GAREM2: variants seen among roughly 807,000 people sequenced by gnomAD.
GAREM2 encodes the protein GRB2-associated and regulator of MAPK protein 2.
Under a neutral mutation model 55.6 loss-of-function variants are expected in GAREM2, and 30 were observed. The observed-to-expected ratio is 0.54, with a 90% CI of 0.40 to 0.73. The LOEUF (loss-of-function observed/expected upper bound fraction) is 0.73, where lower values mean the gene tolerates loss of function less well. GAREM2 is among the 30% of genes least tolerant of loss of function. GAREM2 has a pLI of 0.00. For synonymous variants in GAREM2, 550 were observed against 569.1 expected (o/e 0.97, Z 0.48); for missense variants, 1,075 against 1,257.7 (o/e 0.85, Z 2.20).
the GAREM2 span, among the ~76,000 whole-genome samples, chr2:26,199,683 C>T: frequency 9.2e-5 from 14 of 152,182 alleles, no homozygotes; most frequent in African/African-American, 2.9e-4. Flanking sequence ...CTACCTAGAC[C>T]TGTGGGGCCC....
At chr2:26,178,410 A>AC (rs5830003) in intron 2 of GAREM2, among the ~76,000 whole-genome samples, 4,055 of 145,160 alleles carry the variant, frequency 0.028, 54 homozygotes, top group African/African-American at 0.03. Context: ...AAAACAAACA[A>AC]CCCCCCCCCC....
Position 26,187,977 on chromosome 2 carries a change from C to T in GAREM2, c.2345C>T (p.Pro782Leu), listed in dbSNP as rs999300618. 2.1e-5 allele frequency: 30 copies of T among 1,461,776 alleles called. No individual in the cohort carries two copies. Among genetic ancestry groups the T allele is most frequent in the Non-Finnish European group, 2.4e-5 (26 of 1,101,798 alleles). 90.6% of individuals were successfully genotyped at this position (1,461,776 alleles called of 1,614,324 possible). ...ACCCAAGGGCGCCTGGAAGGGCCTC[C>T]TGCCAGTCCCCGGGATGGAGCCACA... is the stretch of plus-strand genomic sequence containing the variant. ...FLTQGRLEGP[P>L]ASPRDGATGF... The change falls in exon 6 of 6, where the codon CCT becomes CTT. Residue 782 changes from proline (P) to leucine (L), a missense_variant. By Grantham distance (98) the Pro-to-Leu change is moderately conservative. Around this residue, in one of 6 missense-constraint regions of GAREM2, gnomAD observed 142 missense variants for 172.3 expected, o/e 0.82. Transcript: ENST00000401533.
At chr2:26,203,428 T>TGTGATG in the GAREM2 span, among the ~76,000 whole-genome samples, 1 of 152,080 alleles carries the variant, frequency 6.6e-6, no homozygotes, top group Non-Finnish European at 1.5e-5. Context: ...GCAGCATGTG[T>TGTGATG]GTGATGGTGA....
chr2:26,179,263 T>C lies in GAREM2; in HGVS notation c.253+2779T>C, dbSNP rs954939387. Among the ~76,000 whole-genome samples the C allele has an allele frequency of 4.6e-5, 7 of 152,116 alleles. No homozygotes were observed. The highest frequency in any genetic ancestry group is 5.9e-5 in the Non-Finnish European group (4 of 68,030). On this transcript the variant is annotated intron_variant, in intron 2 of 5. Coordinates refer to ENST00000401533, the MANE Select transcript of GAREM2 (RefSeq NM_001168241.2). The surrounding 1 kb of genome is among the most constrained non-coding windows in gnomAD (Gnocchi z 4.7). Reference sequence around the variant, plus strand: ...TGAGCATGGTGCCACTTCCCCAGTGTTGGCCTTGTTTCCTGCTCAGCATTT... The same window carrying C: ...TGAGCATGGTGCCACTTCCCCAGTGCTGGCCTTGTTTCCTGCTCAGCATTT...
chr2:26,177,869 C>T (rs1293771049), intron 2 of GAREM2, among the ~76,000 whole-genome samples: 5 of 152,186 alleles, frequency 3.3e-5, no homozygotes, highest in East Asian at 3.9e-4. Context: ...TCAAGTGATC[C>T]GGCCGCCTTG....
At chr2:26,180,066 C>T (rs1050477805) in intron 2 of GAREM2, among the ~76,000 whole-genome samples, 1 of 152,154 alleles carries the variant, frequency 6.6e-6, no homozygotes, top group Non-Finnish European at 1.5e-5. Context: ...CTGTTGCCCT[C>T]TAGGGCTGTG....
chr2:26,191,256 G>A (rs2147748660), downstream of GAREM2: 2 of 1,612,484 alleles, frequency 1.2e-6, no homozygotes, highest in Non-Finnish European at 1.7e-6. Flanking sequence ...CTGCTCACTG[G>A]TAGAACTTCT....
the GAREM2 span, among the ~76,000 whole-genome samples, chr2:26,201,751 G>A: frequency 4.6e-5 from 7 of 152,054 alleles, no homozygotes; most frequent in Admixed American, 1.3e-4. Context: ...TTTGCTTATC[G>A]CAAATATATA....
chr2:26,193,099 A>G (rs148557534), downstream of GAREM2, among the ~76,000 whole-genome samples: 325 of 152,140 alleles, frequency 2.1e-3, 3 homozygotes, highest in African/African-American at 7.6e-3. Context: ...TTCTCCTCAC[A>G]GGTGGCCAGA....
Position 26,184,350 on chromosome 2 carries a change from C to G in GAREM2, c.502C>G (p.Arg168Gly). The G allele has an allele frequency of 1.3e-6, 2 of 1,548,990 alleles. No individual in the cohort carries two copies. Among genetic ancestry groups the G allele is most frequent in the Non-Finnish European group, 1.7e-6 (2 of 1,145,846 alleles). Residue 168 changes from arginine to glycine, a missense_variant, in exon 4 of 6, where the codon CGC becomes GGC. Arg to Gly is a moderately radical substitution (Grantham distance 125). Around this residue, in one of 6 missense-constraint regions of GAREM2, gnomAD observed 230 missense variants for 310.6 expected, o/e 0.74. Transcript: ENST00000401533. Reference protein sequence around the residue: ...EILCAKTTKERSRFTTLLRKL... With the variant: ...EILCAKTTKEGSRFTTLLRKL... ...CCTGTGCGCCAAGACCACCAAGGAG[C>G]GCTCGCGCTTCACCACCCTCCTGCG...
rs1405536423 is a variant in GAREM2 at position 26,184,847 on chromosome 2, G to A, written c.999G>A (p.Gly333=). The A allele has an allele frequency of 2.5e-5, 37 of 1,473,090 alleles. No homozygotes were observed. In the East Asian group the frequency reaches 1.0e-3, roughly 41 times the overall value. 91.3% of individuals were successfully genotyped at this position (1,473,090 alleles called of 1,614,324 possible). The change falls in exon 4 of 6, where the codon GGG becomes GGA. Residue 333 remains glycine, a synonymous_variant. Transcript: ENST00000401533. ...RFALPQGLLA[G]DPRVERLVRD... is the part of the protein sequence containing the mutation. The stretch of plus-strand genomic sequence containing the variant: ...CGCTGCCGCAGGGCCTGCTGGCCGG[G>A]GACCCGCGCGTCGAGCGCCTGGTGC...
intron 4 of GAREM2, 23 bp downstream of exon 4, chr2:26,185,299 G>A (rs1284447691): frequency 6.7e-7 from 1 of 1,489,142 alleles, no homozygotes; most frequent in Non-Finnish European, 8.9e-7. Context: ...GCTGGGGGCC[G>A]AGTCCCGGGT....
rs1669237914 is a variant in GAREM2, at chr2:26,185,951, C to A, written c.1429-238C>A. Among the ~76,000 whole-genome samples, 3 of 152,078 alleles carry A rather than the reference C, an allele frequency of 2.0e-5. No individual in the cohort carries two copies. The South Asian group carries it at 6.2e-4, about 31-fold the overall frequency. ...TTTTCTTAACATCCATGATGGATTT[C>A]CAAGGAACAGGAAGGAGGCTGTGGG... On this transcript the variant is annotated intron_variant, in intron 4 of 5. Coordinates refer to ENST00000401533, the MANE Select transcript of GAREM2 (RefSeq NM_001168241.2).
In GAREM2 at chr2:26,187,871, G is replaced by C; in HGVS notation, c.2239G>C (p.Gly747Arg). Reference protein sequence around the residue: ...LGPSKAFEPEGLVLHQVPTPL... With the variant: ...LGPSKAFEPERLVLHQVPTPL... ...CCCCTCCAAGGCCTTTGAGCCTGAA[G>C]GTTTGGTGCTGCACCAGGTCCCCAC... is the stretch of plus-strand genomic sequence containing the variant. Residue 747 changes from glycine (G) to arginine (R), a missense_variant, in exon 6 of 6, where the codon GGT (glycine) becomes CGT (arginine). Transcript: ENST00000401533. 1 of 1,438,704 alleles carries C rather than the reference G, an allele frequency of 7.0e-7. No homozygotes were observed. The allele number at this position is 1,438,704 out of a possible 1,614,324, so 89.1% of individuals were successfully genotyped here. A position where few individuals can be genotyped will look rare whatever the true frequency, so the allele number is the denominator to read the frequency against.
chr2:26,197,916 A>C, the GAREM2 span: 3,598 of 713,608 alleles, frequency 5.0e-3, 83 homozygotes, highest in African/African-American at 0.055. Flanking sequence ...TCACTCACCC[A>C]GACATTGACG....
At position 26,188,348 on chromosome 2, in the gene GAREM2, T is replaced by A; in HGVS notation, c.*91T>A. ...GAGCAGGTGCTGCCTGCAAGAAGGA[T>A]CTATGTCGAGACTGAGGCTGCTCAG... On this transcript the variant is annotated 3_prime_UTR_variant, in exon 6 of 6. Transcript: ENST00000401533. The A allele has an allele frequency of 9.7e-7, 1 of 1,034,094 alleles. No homozygotes were observed. The highest frequency in any genetic ancestry group is 2.9e-5 in the East Asian group (1 of 34,960). The allele number at this position is 1,034,094 out of a possible 1,614,324, so 64.1% of individuals were successfully genotyped here.
downstream of GAREM2, chr2:26,191,473 C>G (rs768516891): frequency 1.2e-6 from 2 of 1,614,040 alleles, no homozygotes; most frequent in African/African-American, 2.7e-5. Context: ...TCCCAACCTG[C>G]GAGACCAACC....
the GAREM2 span, chr2:26,194,993 G>T: frequency 2.4e-4 from 244 of 1,028,044 alleles, 1 homozygote; most frequent in Non-Finnish European, 3.5e-4. Flanking sequence ...ATCAAAGTCT[G>T]GTCATTTGCC....
downstream of GAREM2, chr2:26,191,482 C>T (rs794727219): frequency 3.1e-6 from 5 of 1,614,186 alleles, no homozygotes; most frequent in Non-Finnish European, 4.2e-6. Flanking sequence ...GCGAGACCAA[C>T]CTCCCAGACA....
Sources: allele counts gnomAD v4.1 joint callset (sites outside exome capture counted in the v4.1 genomes callset), GRCh38; gene constraint gnomAD v4.1.1; regional missense constraint gnomAD v4.1.1; non-coding constraint Gnocchi (gnomAD v3.1); transcripts MANE v1.5; gene names NCBI Gene and HGNC (gene_info 2026-07-23, HGNC 2026-07-21).